Variants in TIAM2 observed in about 807,000 individuals in gnomAD.
The protein encoded by TIAM2 is rho guanine nucleotide exchange factor TIAM2.
TIAM2 carries 80 observed loss-of-function variants against 152.9 expected under a neutral mutation model. The observed-to-expected ratio is 0.52, with a 90% CI of 0.44 to 0.63. The LOEUF is 0.63. Among genes scored for constraint, TIAM2 ranks in the 30% least tolerant of loss-of-function variants. The pLI is 0.00. For synonymous variants in TIAM2, 804 were observed against 838.0 expected (o/e 0.96, Z 0.70); for missense variants, 1,965 against 2,120.1 (o/e 0.93, Z 1.44).
intron 1 of TIAM2, among the ~76,000 whole-genome samples, chr6:155,002,795 C>T (rs1411732176): frequency 6.6e-6 from 1 of 151,618 alleles, no homozygotes; most frequent in African/African-American, 2.4e-5. Context: ...GTTCTCCTGG[C>T]TTAGCTTCCC....
intron 15 of TIAM2, among the ~76,000 whole-genome samples, chr6:155,230,096 C>T (rs1284010726): frequency 3.3e-5 from 5 of 152,070 alleles, no homozygotes; most frequent in African/African-American, 1.2e-4. Flanking sequence ...TACAAATCCA[C>T]CACATAGCCC....
chr6:155,098,309 A>T (rs1487233316), intron 2 of TIAM2, among the ~76,000 whole-genome samples: 1 of 152,176 alleles, frequency 6.6e-6, no homozygotes, highest in African/African-American at 2.4e-5. Flanking sequence ...AGCCGTGAGC[A>T]TGGAATATCT....
intron 1 of TIAM2, among the ~76,000 whole-genome samples, chr6:155,042,209 C>T (rs1036332005): frequency 2.0e-5 from 3 of 151,924 alleles, no homozygotes; most frequent in South Asian, 2.1e-4. Flanking sequence ...GACCCGCCCC[C>T]GCCCCCAGGA....
chr6:155,180,889 A>G lies in TIAM2; in HGVS notation c.2708-1337A>G, dbSNP rs145472814. Reference sequence around the variant, plus strand: ...CTCCCAAAGTGCTGGGATTACAGGCATGAGCCACTGTGCCCGGACCCCATG... The same window carrying G: ...CTCCCAAAGTGCTGGGATTACAGGCGTGAGCCACTGTGCCCGGACCCCATG... On this transcript the variant is annotated intron_variant, in intron 12 of 26. Transcript: ENST00000682666. 9.2e-3 allele frequency among the ~76,000 whole-genome samples: 1,396 copies of G among 152,296 alleles called. 20 individuals are homozygous for G. The highest frequency in any genetic ancestry group is 0.032 in the African/African-American group (1,344 of 41,562).
intron 7 of TIAM2, among the ~76,000 whole-genome samples, chr6:155,161,263 T>A (rs556360863): frequency 3.7e-4 from 56 of 152,316 alleles, no homozygotes; most frequent in African/African-American, 1.3e-3. Flanking sequence ...GTTGGCTCAC[T>A]GCAACCTCTG....
intron 15 of TIAM2, among the ~76,000 whole-genome samples, chr6:155,233,836 G>A (rs914506428): frequency 2.6e-5 from 4 of 152,012 alleles, no homozygotes; most frequent in Admixed American, 1.3e-4. Flanking sequence ...GGTGGCATGC[G>A]CCTGGAGTTC....
intron 1 of TIAM2, among the ~76,000 whole-genome samples, chr6:155,021,277 T>C (rs9480012): frequency 0.57 from 86,724 of 151,894 alleles, 25,358 homozygotes; most frequent in East Asian, 0.69. Flanking sequence ...TTTTCTTTTT[T>C]TGAGATGGAG....
At chr6:155,078,977 TG>T (rs1296262030) in intron 1 of TIAM2, among the ~76,000 whole-genome samples, 2 of 152,182 alleles carry the variant, frequency 1.3e-5, no homozygotes, top group East Asian at 3.8e-4. Flanking sequence ...TGGATTTTCT[TG>T]TGTTTTTTGG....
intron 14 of TIAM2, among the ~76,000 whole-genome samples, chr6:155,198,689 A>AAAAAAAAG (rs1781408304): frequency 1.4e-5 from 2 of 142,726 alleles, no homozygotes; most frequent in Non-Finnish European, 3.1e-5. Context: ...AAAAAAAAAA[A>AAAAAAAAG]ATCTCTTAAT....
At chr6:155,070,096 A>G (rs952221262) in intron 1 of TIAM2, among the ~76,000 whole-genome samples, 3 of 150,388 alleles carry the variant, frequency 2.0e-5, no homozygotes, top group African/African-American at 7.3e-5. Flanking sequence ...TAGTAGAGAC[A>G]GGGTTTCACT....
chr6:155,250,022 T>C, intron 21 of TIAM2, 53 bp downstream of exon 21: 1 of 1,384,730 alleles, frequency 7.2e-7, no homozygotes, highest in Non-Finnish European at 1.0e-6. Flanking sequence ...GTGGGGTCTG[T>C]AGGTGACCTT....
At chr6:155,084,698 T>C (rs1482249348) in intron 1 of TIAM2, among the ~76,000 whole-genome samples, 1 of 152,192 alleles carries the variant, frequency 6.6e-6, no homozygotes, top group Non-Finnish European at 1.5e-5. Flanking sequence ...GTCTGTCCTT[T>C]GGGGAGGATA....
intron 14 of TIAM2, among the ~76,000 whole-genome samples, chr6:155,209,817 A>C (rs1362059711): frequency 1.3e-5 from 2 of 152,294 alleles, no homozygotes; most frequent in Non-Finnish European, 2.9e-5. Flanking sequence ...GTGCCTGTGT[A>C]GTGGTTGGTA....
intron 1 of TIAM2, among the ~76,000 whole-genome samples, chr6:155,080,157 C>T (rs981311393): frequency 5.3e-5 from 8 of 151,966 alleles, no homozygotes; most frequent in Admixed American, 2.0e-4. Context: ...GCACGTTATC[C>T]GCCCCGTGGC....
intron 1 of TIAM2, among the ~76,000 whole-genome samples, chr6:155,056,414 C>T (rs1339758492): frequency 1.3e-5 from 2 of 152,124 alleles, no homozygotes; most frequent in African/African-American, 2.4e-5. Flanking sequence ...TCAAGTGATC[C>T]GCCTGCCTTG....
intron 1 of TIAM2, among the ~76,000 whole-genome samples, chr6:155,081,259 C>T (rs764841161): frequency 1.3e-5 from 2 of 152,122 alleles, no homozygotes; most frequent in Non-Finnish European, 2.9e-5. Flanking sequence ...GCATCTCCAT[C>T]TGCTCGTGCA....
chr6:155,137,229 T>A lies in TIAM2; in HGVS notation c.1247T>A (p.Leu416Gln). 1 of 1,614,228 alleles carries A rather than the reference T, an allele frequency of 6.2e-7. No individual in the cohort carries two copies. The highest frequency in any genetic ancestry group is 8.5e-7 in the Non-Finnish European group (1 of 1,180,042). Residue 416 changes from leucine (L) to glutamine (Q), a missense_variant, in exon 5 of 27, where the codon CTG becomes CAG. Around this residue, in one of 3 missense-constraint regions of TIAM2, gnomAD observed 1,025 missense variants for 1,119.4 expected, o/e 0.92. Coordinates refer to ENST00000682666, the MANE Select transcript of TIAM2 (RefSeq NM_012454.4). ...TACTTTGACAGTCGCTCTGATGGAC[T>A]GAATACAGATGTGCAGGGATCCTCC... ...SDYFDSRSDG[L>Q]NTDVQGSSQA...
intron 14 of TIAM2, among the ~76,000 whole-genome samples, chr6:155,185,330 T>A (rs1244821879): frequency 6.6e-6 from 1 of 151,864 alleles, no homozygotes; most frequent in African/African-American, 2.4e-5. Flanking sequence ...TTTCACCATG[T>A]TGGCCAGGCT....
chr6:155,045,172 T>A (rs1777146781), intron 1 of TIAM2, among the ~76,000 whole-genome samples: 1 of 151,694 alleles, frequency 6.6e-6, no homozygotes, highest in African/African-American at 2.4e-5. Context: ...GTTCACACGA[T>A]TCTCCTGCCT....
Sources: allele counts gnomAD v4.1 joint callset (sites outside exome capture counted in the v4.1 genomes callset), GRCh38; gene constraint gnomAD v4.1.1; regional missense constraint gnomAD v4.1.1; transcripts MANE v1.5; gene names NCBI Gene and HGNC (gene_info 2026-07-23, HGNC 2026-07-21).